Variants in AUH observed in about 807,000 individuals in gnomAD.
AUH encodes methylglutaconyl-CoA hydratase, mitochondrial.
In AUH, 29 loss-of-function variants were observed where a neutral mutation model predicts 42.3. The ratio of observed to expected loss-of-function variants is 0.69; its 90% CI spans 0.51 to 0.93. AUH has a LOEUF of 0.93. AUH is among the 40% of genes least tolerant of loss of function. The probability of loss-of-function intolerance (pLI) is 0.00; values close to 1 mark genes in which losing one functional copy is unlikely to be tolerated. For missense variants in AUH, 452 were observed against 438.1 expected (o/e 1.03, Z -0.28); for synonymous variants, 174 against 166.4 (o/e 1.05, Z -0.35).
intron 9 of AUH, 104 bp downstream of exon 9, chr9:91,215,955 G>A (rs1826795139): frequency 2.5e-6 from 3 of 1,212,122 alleles, no homozygotes; most frequent in African/African-American, 1.5e-5. Flanking sequence ...ATTTTGGAAT[G>A]GGCGCAAGGG....
At chr9:91,297,165 C>G (rs889080473) in intron 5 of AUH, among the ~76,000 whole-genome samples, 3 of 152,200 alleles carry the variant, frequency 2.0e-5, no homozygotes, top group African/African-American at 7.2e-5. Flanking sequence ...TGTGGCCAAA[C>G]AGTCTGGGTT....
At chr9:91,265,118 A>G (rs1242989586) in intron 6 of AUH, among the ~76,000 whole-genome samples, 5 of 152,100 alleles carry the variant, frequency 3.3e-5, no homozygotes, top group African/African-American at 9.7e-5. Flanking sequence ...TCTGGCTTTC[A>G]GTGGGTCTTT....
chr9:91,315,710 CA>C (rs1419173389), intron 4 of AUH, among the ~76,000 whole-genome samples: 1 of 152,172 alleles, frequency 6.6e-6, no homozygotes, highest in African/African-American at 2.4e-5. Flanking sequence ...TATTCATATA[CA>C]TGTAATAAAG....
intron 5 of AUH, 149 bp downstream of exon 5, chr9:91,297,835 A>C: frequency 1.5e-6 from 1 of 672,740 alleles, no homozygotes; most frequent in East Asian, 3.0e-5. Flanking sequence ...TCAGGTGGGA[A>C]TTTCGAAAAC....
At chr9:91,320,327 T>C (rs1829473488) in intron 4 of AUH, among the ~76,000 whole-genome samples, 1 of 152,200 alleles carries the variant, frequency 6.6e-6, no homozygotes, top group African/African-American at 2.4e-5. Context: ...GTGGATGAAC[T>C]GCAACCTAAC....
intron 3 of AUH, among the ~76,000 whole-genome samples, chr9:91,331,283 T>C (rs974990125): frequency 6.6e-6 from 1 of 152,210 alleles, no homozygotes; most frequent in Non-Finnish European, 1.5e-5. Context: ...TGTCACAATA[T>C]TCGATGTCAT....
At chr9:91,314,098 G>A (rs1251578680) in intron 4 of AUH, among the ~76,000 whole-genome samples, 1 of 152,056 alleles carries the variant, frequency 6.6e-6, no homozygotes, top group Non-Finnish European at 1.5e-5. Context: ...TGTTAGGACT[G>A]CAGGCATGAG....
intron 4 of AUH, among the ~76,000 whole-genome samples, chr9:91,313,819 C>G (rs1218063862): frequency 7.6e-6 from 1 of 131,090 alleles, no homozygotes; most frequent in Non-Finnish European, 1.6e-5. Flanking sequence ...GGTCCATAAA[C>G]GCTCTTTTTT....
chr9:91,351,728 C>T (rs1224886437), intron 3 of AUH, among the ~76,000 whole-genome samples: 1 of 152,184 alleles, frequency 6.6e-6, no homozygotes. Flanking sequence ...ACAAACCCTA[C>T]CGTGAACTAC....
chr9:91,323,606 A>G (rs1326502630), intron 4 of AUH, among the ~76,000 whole-genome samples: 4 of 151,010 alleles, frequency 2.6e-5, no homozygotes, highest in Admixed American at 6.6e-5. Context: ...CTGGTGATAG[A>G]GCGAGACTCC....
chr9:91,308,699 GAC>G (rs1363328851), intron 4 of AUH, among the ~76,000 whole-genome samples: 1 of 151,518 alleles, frequency 6.6e-6, no homozygotes, highest in African/African-American at 2.4e-5. Context: ...AAACAAAAAA[GAC>G]ACAGTGAACA....
In AUH at chr9:91,214,146, T is replaced by C. The variant is rs1371945144; in HGVS notation, c.*202A>G. 2 of 561,120 alleles carry C rather than the reference T, an allele frequency of 3.6e-6. No homozygotes were observed. The highest frequency in any genetic ancestry group is 2.0e-5 in the South Asian group (1 of 49,084). 34.8% of individuals were successfully genotyped at this position (561,120 alleles called of 1,614,324 possible). A position where few individuals can be genotyped will look rare whatever the true frequency, so the allele number is the denominator to read the frequency against. Reference sequence around the variant, plus strand: ...GTTTCTGACTATACACTACTAGCTTTATAAATCTGAATGAATATGACATTT... The same window carrying C: ...GTTTCTGACTATACACTACTAGCTTCATAAATCTGAATGAATATGACATTT... On this transcript the variant is annotated 3_prime_UTR_variant, in exon 10 of 10. Transcript: ENST00000375731.
chr9:91,223,555 A>C (rs1290999477), intron 6 of AUH, among the ~76,000 whole-genome samples: 1 of 152,120 alleles, frequency 6.6e-6, no homozygotes, highest in Non-Finnish European at 1.5e-5. Context: ...TCTCTTCAAG[A>C]CCCTGCTTTC....
chr9:91,313,069 C>T (rs981806211), intron 4 of AUH, among the ~76,000 whole-genome samples: 2 of 151,220 alleles, frequency 1.3e-5, no homozygotes, highest in Non-Finnish European at 3.0e-5. Flanking sequence ...TCAGGCTTTG[C>T]GGGGGGGGTT....
At chr9:91,276,362 C>T (rs751622475) in intron 6 of AUH, among the ~76,000 whole-genome samples, 4 of 149,712 alleles carry the variant, frequency 2.7e-5, no homozygotes, top group Non-Finnish European at 4.4e-5. Flanking sequence ...ACCCCAGAGG[C>T]AGAGGTTGCA....
In AUH at chr9:91,295,914, T is replaced by C. The variant is rs1827290254; in HGVS notation, c.655+107A>G. On this transcript the variant is annotated intron_variant, in intron 6 of 9. Coordinates refer to ENST00000375731, the MANE Select transcript of AUH (RefSeq NM_001698.3). The stretch of plus-strand genomic sequence containing the variant: ...GCTAGGGATGCAAACAATATGCCAT[T>C]GTCTCTTTACGCAAAATGTTGCCTT... 13 of 1,270,496 alleles carry C rather than the reference T, an allele frequency of 1.0e-5. No homozygotes were observed. The Middle Eastern group carries it at 5.6e-4, about 54-fold the overall frequency. 78.7% of individuals were successfully genotyped at this position (1,270,496 alleles called of 1,614,324 possible).
intron 6 of AUH, among the ~76,000 whole-genome samples, chr9:91,276,378 C>G (rs1472051042): frequency 1.3e-5 from 2 of 149,216 alleles, no homozygotes; most frequent in Non-Finnish European, 3.0e-5. Context: ...TTGCAGTGAG[C>G]TGAGACTGCA....
Position 91,214,092 on chromosome 9 carries a change from T to G in AUH, c.*256A>C, listed in dbSNP as rs1294802472. 1 of 394,044 alleles carries G rather than the reference T, an allele frequency of 2.5e-6. No individual in the cohort carries two copies. The highest frequency in any genetic ancestry group is 4.7e-6 in the Non-Finnish European group (1 of 215,052). The allele number at this position is 394,044 out of a possible 1,614,324, so 24.4% of individuals were successfully genotyped here. A position where few individuals can be genotyped will look rare whatever the true frequency, so the allele number is the denominator to read the frequency against. On this transcript the variant is annotated 3_prime_UTR_variant, in exon 10 of 10. Coordinates refer to ENST00000375731, the MANE Select transcript of AUH (RefSeq NM_001698.3). ...CAGAAAGCCTCATATGCAGTAAATA[T>G]TTAAAAATGTATATCTAACTTTGAT... is the stretch of plus-strand genomic sequence containing the variant.
chr9:91,265,496 T>TA (rs960542267), intron 6 of AUH, among the ~76,000 whole-genome samples: 29 of 152,286 alleles, frequency 1.9e-4, no homozygotes, highest in African/African-American at 6.3e-4. Flanking sequence ...ACCTCTTGGT[T>TA]ATGTGTTCTT....
Sources: gnomAD v4.1 joint callset for allele counts (sites outside exome capture counted in the v4.1 genomes callset) on GRCh38, gnomAD v4.1.1 for gene constraint, MANE v1.5 for transcripts, NCBI Gene and HGNC (gene_info 2026-07-23, HGNC 2026-07-21) for gene names.